Variants in ZPBP observed in about 807,000 individuals in gnomAD.
ZPBP encodes the protein zona pellucida-binding protein 1.
A neutral mutation model predicts 44.8 loss-of-function variants in ZPBP; 26 were observed. The observed-to-expected ratio is 0.58, with a 90% CI of 0.43 to 0.81. The LOEUF is 0.81. Among genes scored for constraint, ZPBP ranks in the 30% least tolerant of loss-of-function variants. The pLI is 0.00. For missense variants in ZPBP, 409 were observed against 434.0 expected, an observed-to-expected ratio of 0.94 and a Z score of 0.51; for synonymous variants, 174 against 153.2, an observed-to-expected ratio of 1.14 and a Z score of -1.00.
chr7:50,067,124 A>T (rs1801546960), intron 3 of ZPBP, among the ~76,000 whole-genome samples: 1 of 151,830 alleles, frequency 6.6e-6, no homozygotes, highest in Non-Finnish European at 1.5e-5. Flanking sequence ...ACTTACACGC[A>T]TTTTTTTTCA....
intron 4 of ZPBP, among the ~76,000 whole-genome samples, chr7:50,045,547 T>C (rs1256102488): frequency 6.6e-6 from 1 of 152,048 alleles, no homozygotes; most frequent in Non-Finnish European, 1.5e-5. Flanking sequence ...CCATTCACAA[T>C]TGCTACAAAG....
downstream of ZPBP, among the ~76,000 whole-genome samples, chr7:49,935,491 T>C (rs1983160): frequency 0.78 from 118,136 of 151,928 alleles, 46,104 homozygotes; most frequent in East Asian, 0.89. Context: ...CTCCGCTTTC[T>C]GGTTTCAAGC....
chr7:50,066,915 C>T (rs75797810), intron 3 of ZPBP, among the ~76,000 whole-genome samples: 10 of 152,212 alleles, frequency 6.6e-5, no homozygotes, highest in Non-Finnish European at 1.5e-4. Context: ...ATCCACTGGT[C>T]GTCGTCGGGA....
At position 49,905,768 on chromosome 7, in the gene ZPBP, G is replaced by A. The variant is rs568234934; in HGVS notation, n.412-4553C>T. Among the ~76,000 whole-genome samples the A allele has an allele frequency of 9.3e-4, 139 of 149,868 alleles. 1 individual carries two copies. Among genetic ancestry groups the A allele is most frequent in the Middle Eastern group, 3.4e-3 (1 of 292 alleles). On this transcript the variant is annotated intron_variant and non_coding_transcript_variant, in intron 1 of 2. Transcript: ENST00000465922. ...CTAAGTCACGAGATAGGATGTTGGC[G>A]CAAGAAAGAGGTCGGCTCAAGAAAC...
intron 1 of ZPBP, chr7:49,916,648 A>G (rs1472717936): frequency 6.6e-6 from 1 of 152,188 alleles, no homozygotes; most frequent in Non-Finnish European, 1.5e-5. Context: ...CCCAATATCT[A>G]TATGTTAAAG....
intron 7 of ZPBP, among the ~76,000 whole-genome samples, chr7:49,973,351 C>A (rs116163614): frequency 2.5e-3 from 374 of 151,546 alleles, no homozygotes; most frequent in African/African-American, 8.8e-3. Context: ...ATGGACTTAA[C>A]AAAAATTTAT....
chr7:49,890,647 G>A (rs539948138), intron 2 of ZPBP, among the ~76,000 whole-genome samples: 29 of 151,834 alleles, frequency 1.9e-4, no homozygotes, highest in Admixed American at 5.9e-4. Flanking sequence ...AGCCATGATG[G>A]AACAGGGTGC....
At chr7:50,088,069 T>A (rs1383002157) in intron 2 of ZPBP, among the ~76,000 whole-genome samples, 1 of 152,038 alleles carries the variant, frequency 6.6e-6, no homozygotes, top group Non-Finnish European at 1.5e-5. Flanking sequence ...AGTATCAGCA[T>A]AAGAACAGAC....
intron 6 of ZPBP, among the ~76,000 whole-genome samples, chr7:50,013,171 T>C (rs891220082): frequency 1.3e-5 from 2 of 151,936 alleles, no homozygotes; most frequent in African/African-American, 2.4e-5. Flanking sequence ...CATAGAAGAC[T>C]GTTCCAACCC....
At chr7:49,969,113 A>G (rs926046094) in intron 7 of ZPBP, among the ~76,000 whole-genome samples, 3 of 150,518 alleles carry the variant, frequency 2.0e-5, no homozygotes, top group Non-Finnish European at 4.4e-5. Flanking sequence ...ATTAATGTAA[A>G]CTTGTGATTA....
At chr7:50,025,166 T>C (rs1479479186) in intron 5 of ZPBP, among the ~76,000 whole-genome samples, 1 of 151,882 alleles carries the variant, frequency 6.6e-6, no homozygotes, top group African/African-American at 2.4e-5. Flanking sequence ...AGATATTCCA[T>C]GTTCATAGAT....
At chr7:49,929,649 T>C (rs1794381343) in intron 1 of ZPBP, among the ~76,000 whole-genome samples, 2 of 152,230 alleles carry the variant, frequency 1.3e-5, no homozygotes, top group South Asian at 4.1e-4. Context: ...TTAGTTACTC[T>C]ATTCTTTCTC....
intron 5 of ZPBP, among the ~76,000 whole-genome samples, chr7:50,024,766 G>A (rs576454203): frequency 8.6e-5 from 13 of 151,910 alleles, no homozygotes; most frequent in East Asian, 3.9e-4. Flanking sequence ...TGTACCACAC[G>A]AGGACTCTAG....
intron 3 of ZPBP, among the ~76,000 whole-genome samples, chr7:50,058,802 TTAAG>T (rs1418485213): frequency 6.6e-6 from 1 of 152,158 alleles, no homozygotes; most frequent in Non-Finnish European, 1.5e-5. Flanking sequence ...ACTTCATTAT[TTAAG>T]TGTCAAGCAG....
intron 6 of ZPBP, among the ~76,000 whole-genome samples, chr7:50,014,127 G>C (rs1798704418): frequency 6.6e-6 from 1 of 151,970 alleles, no homozygotes; most frequent in African/African-American, 2.4e-5. Flanking sequence ...AACCTAGAGA[G>C]AGAAATGTAG....
intron 3 of ZPBP, among the ~76,000 whole-genome samples, chr7:50,067,113 G>A (rs551793307): frequency 3.3e-5 from 5 of 152,276 alleles, no homozygotes; most frequent in African/African-American, 1.2e-4. Flanking sequence ...GGGTCTGTTA[G>A]ACTTACACGC....
chr7:49,970,731 G>T (rs1796267593), intron 7 of ZPBP, among the ~76,000 whole-genome samples: 1 of 151,466 alleles, frequency 6.6e-6, no homozygotes, highest in Non-Finnish European at 1.5e-5. Context: ...AAACATAAAA[G>T]CAGCCAGGTG....
chr7:49,964,187 C>T (rs1002213699), intron 7 of ZPBP, among the ~76,000 whole-genome samples: 1 of 151,832 alleles, frequency 6.6e-6, no homozygotes, highest in Non-Finnish European at 1.5e-5. Flanking sequence ...TAGCTAACAT[C>T]TGCTTCAAGG....
intron 7 of ZPBP, among the ~76,000 whole-genome samples, chr7:49,947,565 G>A (rs1278715477): frequency 6.6e-6 from 1 of 152,208 alleles, no homozygotes; most frequent in African/African-American, 2.4e-5. Flanking sequence ...AACAAACAGA[G>A]TCTCTCTGTG....
Sources: allele counts gnomAD v4.1 joint callset (sites outside exome capture counted in the v4.1 genomes callset), GRCh38; gene constraint gnomAD v4.1.1; transcripts MANE v1.5; gene names NCBI Gene and HGNC (gene_info 2026-07-23, HGNC 2026-07-21).